ADGRG7: variants seen among roughly 807,000 people sequenced by gnomAD.
ADGRG7 encodes the protein G-protein coupled receptor 128.
ADGRG7 carries 82 observed loss-of-function variants against 88.6 expected under a neutral mutation model. The ratio of observed to expected loss-of-function variants is 0.93; its 90% CI spans 0.77 to 1.11. The LOEUF (loss-of-function observed/expected upper bound fraction) is 1.11, where lower values mean the gene tolerates loss of function less well. Among genes scored for constraint, ADGRG7 ranks in the 50% most tolerant of loss-of-function variants. The pLI, the probability that ADGRG7 is intolerant of heterozygous loss-of-function variation, is 0.00. For synonymous variants in ADGRG7, 381 were observed against 345.2 expected (o/e 1.10, Z -1.15); for missense variants, 945 against 953.4 (o/e 0.99, Z 0.12).
At chr3:100,674,735 C>G (rs1165349) in intron 15 of ADGRG7, among the ~76,000 whole-genome samples, 133,333 of 152,120 alleles carry the variant, frequency 0.88, 60,504 homozygotes, top group Non-Finnish European at 1. Flanking sequence ...GTGCCACCAC[C>G]CCTAGCTAAT....
At chr3:100,612,490 G>A (rs1237922914) in intron 1 of ADGRG7, among the ~76,000 whole-genome samples, 2 of 152,158 alleles carry the variant, frequency 1.3e-5, no homozygotes, top group Non-Finnish European at 2.9e-5. Flanking sequence ...CACTCTTGAT[G>A]ATGAAAGTAA....
At chr3:100,674,340 G>A (rs2094962247) in intron 15 of ADGRG7, among the ~76,000 whole-genome samples, 1 of 152,108 alleles carries the variant, frequency 6.6e-6, no homozygotes, top group South Asian at 2.1e-4. Context: ...TGCCATTGGT[G>A]TTTTGATAGA....
At chr3:100,662,596 CTAAA>C (rs2094946914) in intron 14 of ADGRG7, among the ~76,000 whole-genome samples, 1 of 152,082 alleles carries the variant, frequency 6.6e-6, no homozygotes, top group South Asian at 2.1e-4. Context: ...GGAAACCACA[CTAAA>C]TAATACTGTG....
intron 15 of ADGRG7, among the ~76,000 whole-genome samples, chr3:100,672,100 A>G (rs955400847): frequency 6.6e-6 from 1 of 152,146 alleles, no homozygotes; most frequent in Non-Finnish European, 1.5e-5. Context: ...AAGAATGTCA[A>G]TGGTAGTTTG....
intron 11 of ADGRG7, among the ~76,000 whole-genome samples, chr3:100,650,802 T>C (rs560756878): frequency 3.9e-5 from 6 of 152,338 alleles, no homozygotes; most frequent in African/African-American, 1.4e-4. Flanking sequence ...TTTTACTTAA[T>C]GATCTTGTTA....
chr3:100,685,992 C>T (rs2094981929), intron 15 of ADGRG7, among the ~76,000 whole-genome samples: 1 of 151,036 alleles, frequency 6.6e-6, no homozygotes, highest in East Asian at 1.9e-4. Context: ...GTCCCACCAA[C>T]AGTGTAAAAG....
chr3:100,616,586 G>A (rs1188364273), intron 1 of ADGRG7, among the ~76,000 whole-genome samples: 2 of 152,166 alleles, frequency 1.3e-5, no homozygotes, highest in Non-Finnish European at 2.9e-5. Flanking sequence ...TCAGGCTGGA[G>A]TGTCACTTGA....
At chr3:100,610,685 C>T (rs558014354) in intron 1 of ADGRG7, among the ~76,000 whole-genome samples, 3 of 152,172 alleles carry the variant, frequency 2.0e-5, no homozygotes, top group Non-Finnish European at 4.4e-5. Flanking sequence ...GATCCTAATG[C>T]TGGATCCCTT....
intron 1 of ADGRG7, among the ~76,000 whole-genome samples, chr3:100,611,306 T>TC (rs1707150258): frequency 2.0e-5 from 3 of 150,410 alleles, no homozygotes; most frequent in Non-Finnish European, 4.4e-5. Flanking sequence ...CTTCCTTTCT[T>TC]CTTTCCTTCC....
In ADGRG7 at chr3:100,643,374, G is replaced by T. The variant is rs750066112; in HGVS notation, c.807G>T (p.Gly269=). Residue 269 remains glycine (G), a synonymous_variant, in exon 7 of 16, where the codon GGG becomes GGT. Coordinates refer to ENST00000273352, the MANE Select transcript of ADGRG7 (RefSeq NM_032787.3). ...ATTTCTCTTCAGAAAATGCGGTGGG[G>T]CCTTCAAATGTTCGCTTCTCTGTGC... ...SANFSSENAV[G]PSNVRFSVQK... The T allele has an allele frequency of 1.2e-6, 2 of 1,613,902 alleles. No individual in the cohort carries two copies. The highest frequency in any genetic ancestry group is 1.7e-6 in the Non-Finnish European group (2 of 1,179,938).
At chr3:100,650,093 G>C (rs945060167) in intron 11 of ADGRG7, among the ~76,000 whole-genome samples, 1 of 152,168 alleles carries the variant, frequency 6.6e-6, no homozygotes, top group Non-Finnish European at 1.5e-5. Flanking sequence ...TAATTCCTCA[G>C]TGTTGAATAG....
Position 100,622,637 on chromosome 3 carries a change from C to A in ADGRG7, c.116-6961C>A, listed in dbSNP as rs79696346. ...ATTAATGTGTATTCTTCACAATTTA[C>A]AAATTGCAATTCTAATCTACAATTA... is the stretch of plus-strand genomic sequence containing the variant. On this transcript the variant is annotated intron_variant, in intron 1 of 15. Transcript: ENST00000273352. Among the ~76,000 whole-genome samples, 549 of 152,312 alleles carry A rather than the reference C, an allele frequency of 3.6e-3. 8 individuals carry two copies. In the East Asian group the frequency reaches 0.052, roughly 14 times the overall value.
At chr3:100,668,028 G>A (rs1486986820) in intron 14 of ADGRG7, among the ~76,000 whole-genome samples, 1 of 152,148 alleles carries the variant, frequency 6.6e-6, no homozygotes, top group African/African-American at 2.4e-5. Context: ...CTTTCCTTGG[G>A]TAGGGGAGAA....
intron 13 of ADGRG7, among the ~76,000 whole-genome samples, chr3:100,657,553 G>A (rs532539428): frequency 2.0e-5 from 3 of 152,144 alleles, no homozygotes; most frequent in Non-Finnish European, 2.9e-5. Flanking sequence ...AAAGGGTTGA[G>A]GTTAACATGG....
intron 15 of ADGRG7, among the ~76,000 whole-genome samples, chr3:100,685,575 C>T (rs1576339939): frequency 6.6e-6 from 1 of 152,098 alleles, no homozygotes; most frequent in African/African-American, 2.4e-5. Flanking sequence ...CTTTCTGTGT[C>T]CATGTGTTCT....
At chr3:100,646,285 G>A (rs1707744255) in intron 9 of ADGRG7, 177 bp downstream of exon 9, 1 of 635,298 alleles carries the variant, frequency 1.6e-6, no homozygotes, top group Non-Finnish European at 2.6e-6. Flanking sequence ...CAAAAGCAGG[G>A]ATATGTTGAA....
At chr3:100,613,767 A>G (rs1172151777) in intron 1 of ADGRG7, among the ~76,000 whole-genome samples, 1 of 152,118 alleles carries the variant, frequency 6.6e-6, no homozygotes, top group Non-Finnish European at 1.5e-5. Context: ...GAAATTCTGG[A>G]TACTTGCTGT....
At chr3:100,630,249 G>A (rs1017214629) in intron 2 of ADGRG7, among the ~76,000 whole-genome samples, 5 of 152,138 alleles carry the variant, frequency 3.3e-5, no homozygotes, top group African/African-American at 7.2e-5. Flanking sequence ...TCCCAACACC[G>A]TACACTTCAT....
intron 15 of ADGRG7, among the ~76,000 whole-genome samples, chr3:100,692,797 C>T (rs2094996104): frequency 1.3e-5 from 2 of 152,100 alleles, no homozygotes; most frequent in Admixed American, 6.5e-5. Context: ...TCAGAACTTA[C>T]ATAGTATGTT....
Sources: allele counts gnomAD v4.1 joint callset (sites outside exome capture counted in the v4.1 genomes callset), GRCh38; gene constraint gnomAD v4.1.1; transcripts MANE v1.5; gene names NCBI Gene and HGNC (gene_info 2026-07-23, HGNC 2026-07-21).